The following AR variants were observed in gnomAD, a reference collection of about 807,000 sequenced individuals.
The protein encoded by AR is dihydrotestosterone receptor.
A neutral mutation model predicts 53.9 loss-of-function variants in AR; 8 were observed. The observed-to-expected ratio is 0.15, with a 90% CI of 0.09 to 0.27. AR has a LOEUF of 0.27. Ranked by LOEUF, AR falls within the 10% of genes least tolerant of loss-of-function variation. AR has a pLI of 1.00. For synonymous variants in AR, 359 were observed against 316.4 expected, an observed-to-expected ratio of 1.13 and a Z score of -1.43; for missense variants, 639 against 742.5, an observed-to-expected ratio of 0.86 and a Z score of 1.62.
At position 67,725,824 on chromosome X, in the gene AR, G is replaced by A. The variant is rs2076155321; in HGVS notation, c.*1983G>A. 3 of 174,044 alleles carry A rather than the reference G, an allele frequency of 1.7e-5. No individual in the cohort carries two copies. The highest frequency in any genetic ancestry group is 3.3e-5 in the Non-Finnish European group (3 of 91,510). 14.3% of individuals were successfully genotyped at this position (174,044 alleles called of 1,213,427 possible). ...GTGGCTCCAATACTTTGCCACCCAT[G>A]AACTCAGGGTGTGCCCTGGGACACT... On this transcript the variant is annotated 3_prime_UTR_variant, in exon 8 of 8. Transcript: ENST00000374690.
intron 6 of AR, 84 bp from the exon 7 acceptor site, chrX:67,722,743 C>G (rs2076141108): frequency 8.9e-7 from 1 of 1,117,580 alleles, no homozygotes; most frequent in African/African-American, 1.8e-5. Context: ...GGGGTCAAGT[C>G]TGTGGTCAGA....
At chrX:67,710,653 C>G (rs1419362091) in intron 3 of AR, among the ~76,000 whole-genome samples, 1 of 111,672 alleles carries the variant, frequency 9.0e-6, no homozygotes, top group Non-Finnish European at 1.9e-5. Flanking sequence ...ATATGATATA[C>G]ATGCTCCTTT....
At chrX:67,707,518 T>G (rs909692062) in intron 3 of AR, among the ~76,000 whole-genome samples, 2 of 111,892 alleles carry the variant, frequency 1.8e-5, no homozygotes, top group African/African-American at 6.5e-5. Context: ...CCCTTTGTTT[T>G]GAGCCTATAT....
chrX:67,652,662 C>A (rs906287918), intron 2 of AR, among the ~76,000 whole-genome samples: 2 of 111,745 alleles, frequency 1.8e-5, no homozygotes, highest in African/African-American at 6.5e-5. Context: ...CATTACCTTG[C>A]AATTCTCAAG....
At chrX:67,614,016 C>A (rs1296150825) in intron 1 of AR, among the ~76,000 whole-genome samples, 1 of 112,106 alleles carries the variant, frequency 8.9e-6, no homozygotes, top group Non-Finnish European at 1.9e-5. Context: ...GCAACATTAA[C>A]CAAAAAGTGG....
chrX:67,688,122 G>A (rs1214770283), intron 3 of AR, among the ~76,000 whole-genome samples: 1 of 111,236 alleles, frequency 9.0e-6, no homozygotes, highest in Non-Finnish European at 1.9e-5. Flanking sequence ...TGCTGTGACT[G>A]GCCTTCATTT....
chrX:67,691,084 G>A (rs1245866200), intron 3 of AR, among the ~76,000 whole-genome samples: 2 of 112,406 alleles, frequency 1.8e-5, no homozygotes, highest in Non-Finnish European at 3.8e-5. Flanking sequence ...ACTGGCAGCA[G>A]CACAAATGTT....
intron 3 of AR, among the ~76,000 whole-genome samples, chrX:67,708,406 C>T (rs1298503023): frequency 8.9e-6 from 1 of 111,868 alleles, no homozygotes; most frequent in African/African-American, 3.3e-5. Context: ...TCTTCAATCA[C>T]TGATACCCTT....
At chrX:67,690,008 G>A (rs1049994393) in intron 3 of AR, among the ~76,000 whole-genome samples, 13 of 111,193 alleles carry the variant, frequency 1.2e-4, no homozygotes, top group East Asian at 2.9e-4. Flanking sequence ...TTATTTCTGC[G>A]TTTTGCAACT....
chrX:67,576,807 C>A (rs1430781322), intron 1 of AR, among the ~76,000 whole-genome samples: 1 of 110,536 alleles, frequency 9.0e-6, no homozygotes, highest in South Asian at 3.8e-4. Flanking sequence ...ATGTGGTTAT[C>A]TCCTCCTTGT....
At position 67,623,734 on chromosome X, in the gene AR, A is replaced by T. The variant is rs1012150304; in HGVS notation, c.1617-19522A>T. Among the ~76,000 whole-genome samples the T allele has an allele frequency of 4.5e-5, 5 of 111,765 alleles. No individual in the cohort carries two copies. The Admixed American group carries it at 4.7e-4, about 11-fold the overall frequency. On this transcript the variant is annotated intron_variant, in intron 1 of 7. Coordinates refer to ENST00000374690, the MANE Select transcript of AR (RefSeq NM_000044.6). The stretch of plus-strand genomic sequence containing the variant: ...GAAGAGATCAACAAAACTGAAAAAA[A>T]CTTTAGTCAGATTGAATAAGAAAAA...
chrX:67,685,512 T>C (rs1012743049), intron 2 of AR, among the ~76,000 whole-genome samples: 6 of 111,591 alleles, frequency 5.4e-5, no homozygotes, highest in African/African-American at 2.0e-4. Context: ...AGAAATCCCA[T>C]GGAGTTATCT....
At chrX:67,603,676 G>A (rs1012901965) in intron 1 of AR, among the ~76,000 whole-genome samples, 2 of 111,788 alleles carry the variant, frequency 1.8e-5, no homozygotes, top group Admixed American at 1.9e-4. Context: ...TGAATTTCAG[G>A]CTAAGGAGTT....
intron 1 of AR, among the ~76,000 whole-genome samples, chrX:67,554,387 G>A (rs1930108110): frequency 9.0e-6 from 1 of 111,412 alleles, no homozygotes; most frequent in Admixed American, 9.5e-5. Context: ...TTCTAGATGG[G>A]GAAAGGATTC....
chrX:67,668,197 G>T (rs1403002340), intron 2 of AR, among the ~76,000 whole-genome samples: 1 of 111,472 alleles, frequency 9.0e-6, no homozygotes, highest in Non-Finnish European at 1.9e-5. Context: ...ACTAGCTATG[G>T]GTCTGTCATA....
intron 3 of AR, chrX:67,695,774 C>A (rs1184269565): frequency 1.6e-6 from 1 of 629,281 alleles, no homozygotes; most frequent in African/African-American, 2.5e-5. Flanking sequence ...CACACACACG[C>A]TCTCTCTCTC....
intron 3 of AR, among the ~76,000 whole-genome samples, chrX:67,691,120 A>G (rs1341619708): frequency 8.9e-6 from 1 of 112,431 alleles, no homozygotes; most frequent in Non-Finnish European, 1.9e-5. Flanking sequence ...TAAATTGTAG[A>G]AAGTGAGACA....
At chrX:67,569,217 G>T (rs1039561953) in intron 1 of AR, among the ~76,000 whole-genome samples, 1 of 103,925 alleles carries the variant, frequency 9.6e-6, no homozygotes, top group African/African-American at 3.5e-5. Flanking sequence ...GTGTGTGGGG[G>T]GGGGTTGGGG....
chrX:67,709,914 C>CT (rs759040851), intron 3 of AR, among the ~76,000 whole-genome samples: 6 of 112,025 alleles, frequency 5.4e-5, no homozygotes, highest in Non-Finnish European at 1.1e-4. Flanking sequence ...TTCAAGGCCA[C>CT]TTTTAAAAAC....
Sources: allele counts gnomAD v4.1 joint callset (sites outside exome capture counted in the v4.1 genomes callset), GRCh38; gene constraint gnomAD v4.1.1; transcripts MANE v1.5; gene names NCBI Gene and HGNC (gene_info 2026-07-23, HGNC 2026-07-21).